The following MLIP variants were observed in gnomAD, a reference collection of about 807,000 sequenced individuals.
MLIP encodes the protein muscular LMNA-interacting protein.
A neutral mutation model predicts 84.8 loss-of-function variants in MLIP; 79 were observed. The observed-to-expected ratio is 0.93, with a 90% CI of 0.78 to 1.12. MLIP has a LOEUF of 1.12. Ranked by LOEUF, MLIP falls within the 50% of genes most tolerant of loss-of-function variation. The pLI, the probability that MLIP is intolerant of heterozygous loss-of-function variation, is 0.00. For missense variants in MLIP, 1,257 were observed against 1,160.6 expected, an observed-to-expected ratio of 1.08 and a Z score of -1.21; for synonymous variants, 504 against 463.0, an observed-to-expected ratio of 1.09 and a Z score of -1.14.
intron 3 of MLIP, among the ~76,000 whole-genome samples, chr6:54,132,942 G>A (rs923557749): frequency 6.6e-6 from 1 of 152,140 alleles, no homozygotes; most frequent in African/African-American, 2.4e-5. Flanking sequence ...TGGTAGACTA[G>A]GTCTAGAAAC....
intron 1 of MLIP, among the ~76,000 whole-genome samples, chr6:54,119,429 C>T (rs2150427634): frequency 6.6e-6 from 1 of 152,166 alleles, no homozygotes; most frequent in African/African-American, 2.4e-5. Flanking sequence ...TGGAATAAGC[C>T]AGTTATAGAA....
intron 1 of MLIP, among the ~76,000 whole-genome samples, chr6:54,048,106 G>A (rs1272936263): frequency 6.6e-6 from 1 of 152,182 alleles, no homozygotes; most frequent in African/African-American, 2.4e-5. Context: ...GGTACTGTAG[G>A]AGAGGTATTT....
intron 3 of MLIP, among the ~76,000 whole-genome samples, chr6:54,132,023 T>A (rs577940701): frequency 6.6e-6 from 1 of 152,262 alleles, no homozygotes; most frequent in East Asian, 1.9e-4. Context: ...CTGAGCTCAT[T>A]CATATTATGG....
At chr6:54,021,470 T>C (rs1379112050) in intron 1 of MLIP, among the ~76,000 whole-genome samples, 13 of 152,304 alleles carry the variant, frequency 8.5e-5, no homozygotes, top group Non-Finnish European at 8.8e-5. Flanking sequence ...GTAAGATCTA[T>C]AGTAAATAAG....
chr6:54,088,261 T>C (rs1767630313), intron 1 of MLIP, among the ~76,000 whole-genome samples: 1 of 152,036 alleles, frequency 6.6e-6, no homozygotes, highest in Non-Finnish European at 1.5e-5. Context: ...AGGTTCAGGG[T>C]AGGAAGAAGT....
At chr6:54,040,954 C>T (rs192585154) in intron 1 of MLIP, 47 of 152,138 alleles carry the variant, frequency 3.1e-4, no homozygotes, top group African/African-American at 9.9e-4. Context: ...TGAAAAACTA[C>T]CTGTTGTGTA....
At chr6:54,237,326 G>T (rs59832538) in intron 12 of MLIP, among the ~76,000 whole-genome samples, 1 of 151,808 alleles carries the variant, frequency 6.6e-6, no homozygotes, top group African/African-American at 2.4e-5. Context: ...GTTGAGGAGA[G>T]GGGGTGGGGC....
At chr6:54,154,550 T>A (rs1376678480) in intron 5 of MLIP, among the ~76,000 whole-genome samples, 2 of 152,142 alleles carry the variant, frequency 1.3e-5, no homozygotes, top group Non-Finnish European at 2.9e-5. Context: ...CCCTAAAGCA[T>A]CAAGGTTACT....
chr6:54,024,656 A>T (rs747235147), intron 1 of MLIP, among the ~76,000 whole-genome samples: 18 of 152,208 alleles, frequency 1.2e-4, no homozygotes, highest in Non-Finnish European at 2.1e-4. Context: ...ATTTTTAAGT[A>T]CATTATGATA....
chr6:54,105,712 AG>A (rs1379301919), intron 1 of MLIP, among the ~76,000 whole-genome samples: 1 of 152,140 alleles, frequency 6.6e-6, no homozygotes, highest in African/African-American at 2.4e-5. Context: ...TAAGGTGGTA[AG>A]GGATCTTTCA....
chr6:54,251,938 C>T (rs1246156043), intron 12 of MLIP, among the ~76,000 whole-genome samples: 2 of 62,560 alleles, frequency 3.2e-5, no homozygotes, highest in Non-Finnish European at 4.9e-5. Flanking sequence ...TATATTATAA[C>T]ATATAATATA....
chr6:54,135,815 A>AT (rs1198506103), intron 3 of MLIP, among the ~76,000 whole-genome samples: 1 of 152,142 alleles, frequency 6.6e-6, no homozygotes, highest in Non-Finnish European at 1.5e-5. Context: ...GTACTAGATG[A>AT]TTTTTAAAAT....
chr6:54,204,894 AT>A (rs1244369510), intron 11 of MLIP, among the ~76,000 whole-genome samples: 3 of 152,194 alleles, frequency 2.0e-5, no homozygotes, highest in Non-Finnish European at 4.4e-5. Flanking sequence ...TTGTATCCCC[AT>A]TTGAATGTGG....
chr6:54,217,344 A>G, intron 11 of MLIP: 1 of 985,402 alleles, frequency 1.0e-6, no homozygotes, highest in African/African-American at 1.7e-5. Context: ...AATGCCGTAA[A>G]ATGCCCTTTG....
Position 54,137,912 on chromosome 6 carries a change from C to T in MLIP, c.1843C>T (p.Pro615Ser), listed in dbSNP as rs1771957224. 2 of 1,535,968 alleles carry T rather than the reference C, an allele frequency of 1.3e-6. No homozygotes were observed. The highest frequency in any genetic ancestry group is 2.0e-5 in the Admixed American group (1 of 50,974). The stretch of plus-strand genomic sequence containing the variant: ...TTCAGAGAAATGTTTCCATCCTTCC[C>T]CAGCTCTTTCAAGCCTGATAAACAG... ...SSSEKCFHPS[P>S]ALSSLINRSK... is the part of the protein sequence containing the mutation. The change falls in exon 4 of 14, where the codon CCA (proline) becomes TCA (serine). Residue 615 changes from proline to serine, a missense_variant. Transcript: ENST00000502396.
In MLIP at chr6:54,121,579, A is replaced by G. The variant is rs770944621; in HGVS notation, c.229A>G (p.Lys77Glu). 7 of 1,612,134 alleles carry G rather than the reference A, an allele frequency of 4.3e-6. No homozygotes were observed. The highest frequency in any genetic ancestry group is 5.9e-6 in the Non-Finnish European group (7 of 1,178,812). The change falls in exon 2 of 14, where the codon AAG becomes GAG. Residue 77 changes from lysine (K) to glutamate (E), a missense_variant. Coordinates refer to ENST00000502396, the MANE Select transcript of MLIP (RefSeq NM_001281747.2). ...TAAAATTCCAGAAGAATCAAGTGAT[A>G]AGAGTCCAGAAACTGTAAATAGGGT... ...LVKIPEESSD[K>E]SPETVNRSKS... is the part of the protein sequence containing the mutation.
intron 3 of MLIP, among the ~76,000 whole-genome samples, chr6:54,131,733 T>A (rs1244662357): frequency 6.6e-6 from 1 of 152,206 alleles, no homozygotes; most frequent in Non-Finnish European, 1.5e-5. Flanking sequence ...TATGTATGTA[T>A]ATATTCGTTT....
At chr6:54,205,484 C>T (rs1433877130) in intron 11 of MLIP, among the ~76,000 whole-genome samples, 2 of 152,190 alleles carry the variant, frequency 1.3e-5, no homozygotes, top group Non-Finnish European at 2.9e-5. Flanking sequence ...TAAATTTTTC[C>T]TAGCAGCTTC....
intron 10 of MLIP, among the ~76,000 whole-genome samples, chr6:54,198,890 GTGTGTATA>G (rs1416110232): frequency 9.5e-5 from 8 of 84,412 alleles, no homozygotes; most frequent in Non-Finnish European, 2.4e-4. Context: ...GTGTGTGTGT[GTGTGTATA>G]TGTGTGTGTG....
Sources: gnomAD v4.1 joint callset for allele counts (sites outside exome capture counted in the v4.1 genomes callset) on GRCh38, gnomAD v4.1.1 for gene constraint, MANE v1.5 for transcripts, NCBI Gene and HGNC (gene_info 2026-07-23, HGNC 2026-07-21) for gene names.